Variants in ASIC2 observed in about 807,000 individuals in gnomAD.
ASIC2 encodes the protein acid-sensing ion channel 2.
ASIC2 carries 25 observed loss-of-function variants against 57.3 expected under a neutral mutation model. The observed-to-expected ratio is 0.44, with a 90% confidence interval of 0.32 to 0.61. ASIC2 has a LOEUF of 0.61. ASIC2 is among the 20% of genes least tolerant of loss of function. ASIC2 has a pLI of 0.06. For missense variants in ASIC2, 641 were observed against 738.1 expected (o/e 0.87, Z 1.52); for synonymous variants, 319 against 307.5 (o/e 1.04, Z -0.39).
chr17:34,050,556 C>A (rs1378138822), intron 1 of ASIC2, among the ~76,000 whole-genome samples: 1 of 152,138 alleles, frequency 6.6e-6, no homozygotes, highest in South Asian at 2.1e-4. Flanking sequence ...GAATTTCTGT[C>A]CGTTTATGGA....
At chr17:33,287,017 AACTATGAAT>A (rs1236413987) in intron 1 of ASIC2, among the ~76,000 whole-genome samples, 4 of 152,376 alleles carry the variant, frequency 2.6e-5, no homozygotes, top group East Asian at 1.9e-4. Context: ...TATGAATAGT[AACTATGAAT>A]ACTATGAATA....
intron 1 of ASIC2, among the ~76,000 whole-genome samples, chr17:33,645,625 T>G (rs17249964): frequency 0.047 from 7,103 of 152,258 alleles, 195 homozygotes; most frequent in South Asian, 0.13. Context: ...GATGCCTAGA[T>G]AGGATCTTTA....
chr17:33,709,271 A>G (rs1167638673), intron 1 of ASIC2, among the ~76,000 whole-genome samples: 1 of 152,246 alleles, frequency 6.6e-6, no homozygotes, highest in Non-Finnish European at 1.5e-5. Flanking sequence ...AGTGGGCTCA[A>G]TAATGCCCTC....
intron 1 of ASIC2, among the ~76,000 whole-genome samples, chr17:33,904,878 C>T (rs1314085532): frequency 4.6e-5 from 7 of 152,186 alleles, no homozygotes; most frequent in Non-Finnish European, 8.8e-5. Context: ...TTCTTGCGAG[C>T]AGGCTTGTAT....
At chr17:34,143,551 C>T (rs1912330121) in intron 1 of ASIC2, among the ~76,000 whole-genome samples, 1 of 152,192 alleles carries the variant, frequency 6.6e-6, no homozygotes, top group Non-Finnish European at 1.5e-5. Flanking sequence ...ATCTGGTTCC[C>T]CTCCCATTTC....
At chr17:34,048,470 CTGCTT>C (rs1908421748) in intron 1 of ASIC2, among the ~76,000 whole-genome samples, 1 of 152,210 alleles carries the variant, frequency 6.6e-6, no homozygotes, top group Non-Finnish European at 1.5e-5. Flanking sequence ...TCTCTCTGCT[CTGCTT>C]TATTTTCAGC....
At chr17:33,914,876 C>G (rs1915550952) in intron 1 of ASIC2, among the ~76,000 whole-genome samples, 1 of 152,202 alleles carries the variant, frequency 6.6e-6, no homozygotes, top group African/African-American at 2.4e-5. Context: ...GTTGATCGAT[C>G]AGGTGACAAG....
rs554765942 is a variant in ASIC2 at position 33,357,919 on chromosome 17, A to G, written c.556-245852T>C. On this transcript the variant is annotated intron_variant, in intron 1 of 9. Coordinates refer to the ASIC2 transcript ENST00000359872. ...TTGCATCAGAGTCACTTGCTTTCTT[A>G]AAAGTGAGATGCCCAGGCTTCATCC... Among the ~76,000 whole-genome samples the G allele has an allele frequency of 3.3e-5, 5 of 152,324 alleles. No homozygotes were observed. The South Asian group carries it at 1.0e-3, about 32-fold the overall frequency.
At chr17:33,609,153 A>G (rs998848688) in intron 1 of ASIC2, among the ~76,000 whole-genome samples, 3 of 152,166 alleles carry the variant, frequency 2.0e-5, no homozygotes, top group Non-Finnish European at 4.4e-5. Flanking sequence ...CTGAACTACT[A>G]CAACAGAATT....
intron 1 of ASIC2, among the ~76,000 whole-genome samples, chr17:33,673,483 T>C (rs1019634226): frequency 6.6e-6 from 1 of 152,184 alleles, no homozygotes; most frequent in African/African-American, 2.4e-5. Context: ...ATCTGAAGAA[T>C]CATCTGATGC....
At chr17:33,574,873 A>T (rs1348716894) in intron 1 of ASIC2, among the ~76,000 whole-genome samples, 2 of 148,960 alleles carry the variant, frequency 1.3e-5, no homozygotes, top group African/African-American at 2.5e-5. Flanking sequence ...TTTGCTGCAG[A>T]TCTACAAGAT....
chr17:33,097,797 C>G (rs1447894657), intron 2 of ASIC2, among the ~76,000 whole-genome samples: 1 of 152,214 alleles, frequency 6.6e-6, no homozygotes, highest in Non-Finnish European at 1.5e-5. Context: ...ACCAGAGTCG[C>G]AGCCCCAGCC....
chr17:33,747,122 G>A (rs1466838932), intron 1 of ASIC2, among the ~76,000 whole-genome samples: 2 of 151,384 alleles, frequency 1.3e-5, no homozygotes, highest in Non-Finnish European at 2.9e-5. Context: ...GATTGTGAAT[G>A]TACTTTGTAG....
chr17:34,125,019 G>A (rs187729253), intron 1 of ASIC2, among the ~76,000 whole-genome samples: 6 of 151,564 alleles, frequency 4.0e-5, no homozygotes, highest in Admixed American at 3.9e-4. Flanking sequence ...TGTCATCTCT[G>A]CTTGTAGTGC....
intron 1 of ASIC2, among the ~76,000 whole-genome samples, chr17:34,153,324 A>C (rs1285793640): frequency 6.6e-6 from 1 of 152,182 alleles, no homozygotes; most frequent in Non-Finnish European, 1.5e-5. Context: ...GCATGGTACA[A>C]TCCTAGATAG....
intron 1 of ASIC2, among the ~76,000 whole-genome samples, chr17:33,214,522 G>A (rs1377824599): frequency 3.3e-5 from 5 of 152,160 alleles, no homozygotes; most frequent in African/African-American, 1.2e-4. Flanking sequence ...CCTTCAATTG[G>A]TGCTGGTTAT....
chr17:33,846,072 T>G (rs1329345645), intron 1 of ASIC2, among the ~76,000 whole-genome samples: 1 of 152,190 alleles, frequency 6.6e-6, no homozygotes, highest in Non-Finnish European at 1.5e-5. Context: ...GCCAGAAATG[T>G]CCAAAGGGAG....
At chr17:33,380,542 G>A (rs1909450516) in intron 1 of ASIC2, among the ~76,000 whole-genome samples, 1 of 152,198 alleles carries the variant, frequency 6.6e-6, no homozygotes, top group Admixed American at 6.5e-5. Flanking sequence ...AGACCCATCT[G>A]TCTCCAGATG....
Position 34,130,671 on chromosome 17 carries a change from A to G in ASIC2, c.555+25307T>C, listed in dbSNP as rs149898206. Among the ~76,000 whole-genome samples the G allele has an allele frequency of 5.9e-4, 90 of 152,324 alleles. 2 individuals are homozygous for G. The East Asian group carries it at 0.017, about 28-fold the overall frequency. On this transcript the variant is annotated intron_variant, in intron 1 of 9. Transcript: ENST00000359872. ...CCTTCCATGATGCTTCTCACACCAT[A>G]ATGAATCTGTTAGGATGCGTTTTCC...
Sources: gnomAD v4.1 joint callset for allele counts (sites outside exome capture counted in the v4.1 genomes callset) on GRCh38, gnomAD v4.1.1 for gene constraint, MANE v1.5 for transcripts, NCBI Gene and HGNC (gene_info 2026-07-23, HGNC 2026-07-21) for gene names.